The following ANKRD36 variants were observed in gnomAD, a reference collection of about 807,000 sequenced individuals.
The protein encoded by ANKRD36 is ankyrin repeat domain-containing protein 36A.
ANKRD36 carries 179 observed loss-of-function variants against 278.1 expected under a neutral mutation model. The observed-to-expected ratio is 0.64, with a 90% CI of 0.57 to 0.73. The LOEUF is 0.73. Ranked by LOEUF, ANKRD36 falls within the 30% of genes least tolerant of loss-of-function variation. ANKRD36 has a pLI of 0.00. For missense variants in ANKRD36, 1,159 were observed against 1,956.7 expected, an observed-to-expected ratio of 0.59 and a Z score of 7.69; for synonymous variants, 320 against 641.1, an observed-to-expected ratio of 0.50 and a Z score of 7.57.
intron 36 of ANKRD36, among the ~76,000 whole-genome samples, 179 bp downstream of exon 36, chr2:97,191,360 T>C (rs2058474933): frequency 1.3e-5 from 2 of 151,840 alleles, no homozygotes; most frequent in South Asian, 4.2e-4. Context: ...GAACATGATC[T>C]TCGCAGTAAG....
chr2:97,203,850 T>C (rs1329662088), intron 48 of ANKRD36, among the ~76,000 whole-genome samples: 1 of 151,820 alleles, frequency 6.6e-6, no homozygotes, highest in Non-Finnish European at 1.5e-5. Flanking sequence ...TGACAAATCA[T>C]ACCATGTTTG....
At chr2:97,178,567 C>G (rs1291974424) in intron 22 of ANKRD36, among the ~76,000 whole-genome samples, 1 of 151,054 alleles carries the variant, frequency 6.6e-6, no homozygotes, top group Non-Finnish European at 1.5e-5. Flanking sequence ...TCTCAGTAAA[C>G]TATCGCAAAA....
chr2:97,151,858 C>A, intron 12 of ANKRD36, 21 bp from the exon 13 acceptor site: 2 of 1,284,256 alleles, frequency 1.6e-6, no homozygotes, highest in Non-Finnish European at 2.1e-6. Context: ...TATTCTTAAA[C>A]CTATTGTGTT....
Position 97,115,633 on chromosome 2 carries a change from G to A in ANKRD36, c.197+1697G>A, listed in dbSNP as rs1302505421. ...AGGAGAAGGTATTTAAGTTAAAAAA[G>A]GAATGAAATACTATTTTCTATCACA... On this transcript the variant is annotated intron_variant, in intron 1 of 75. Transcript: ENST00000420699. Among the ~76,000 whole-genome samples the A allele has an allele frequency of 3.2e-3, 325 of 100,852 alleles. 2 individuals are homozygous for A. Among genetic ancestry groups the A allele is most frequent in the African/African-American group, 0.012 (318 of 25,588 alleles). 66.2% of individuals were successfully genotyped at this position (100,852 alleles called of 152,430 possible).
chr2:97,260,387 T>C (rs187725537), intron 75 of ANKRD36, among the ~76,000 whole-genome samples: 3,782 of 126,456 alleles, frequency 0.03, 188 homozygotes, highest in African/African-American at 0.11. Context: ...TATACACACA[T>C]ATATACATAC....
At chr2:97,211,868 T>C in intron 58 of ANKRD36, 127 bp downstream of exon 58, 2 of 1,252,266 alleles carry the variant, frequency 1.6e-6, no homozygotes, top group Non-Finnish European at 2.2e-6. Context: ...AGATTATTCA[T>C]TTGTAATAAG....
At chr2:97,225,520 G>A (rs2069172590) in intron 67 of ANKRD36, among the ~76,000 whole-genome samples, 1 of 152,012 alleles carries the variant, frequency 6.6e-6, no homozygotes, top group Non-Finnish European at 1.5e-5. Flanking sequence ...ACTGTCATTA[G>A]TAGACCTTAG....
chr2:97,147,901 A>G (rs1172057495), intron 11 of ANKRD36, among the ~76,000 whole-genome samples: 2 of 151,954 alleles, frequency 1.3e-5, no homozygotes, highest in African/African-American at 2.4e-5. Flanking sequence ...AAGGCATATT[A>G]GAATATGGCG....
intron 52 of ANKRD36, 114 bp downstream of exon 52, chr2:97,206,249 C>A: frequency 8.3e-7 from 1 of 1,197,760 alleles, no homozygotes; most frequent in Non-Finnish European, 1.1e-6. Flanking sequence ...TTCAGCAGGC[C>A]GGAGATTCTT....
chr2:97,200,068 T>C, intron 44 of ANKRD36, among the ~76,000 whole-genome samples: 1 of 152,002 alleles, frequency 6.6e-6, no homozygotes, highest in Non-Finnish European at 1.5e-5. Flanking sequence ...CATATCCACA[T>C]TGAGATTGAC....
At chr2:97,211,018 G>A (rs550233890) in intron 56 of ANKRD36, among the ~76,000 whole-genome samples, 121 of 151,960 alleles carry the variant, frequency 8.0e-4, no homozygotes, top group African/African-American at 2.8e-3. Flanking sequence ...GATATCCAAG[G>A]TGATCAATTT....
Position 97,206,112 on chromosome 2 carries a change from A to T in ANKRD36, c.3140A>T (p.Lys1047Met), listed in dbSNP as rs767596032. 2.0e-4 allele frequency: 305 copies of T among 1,544,636 alleles called. No individual in the cohort carries two copies. Among genetic ancestry groups the T allele is most frequent in the Non-Finnish European group, 2.6e-4 (294 of 1,147,226 alleles). Residue 1047 changes from lysine to methionine, a missense_variant, in exon 52 of 76, where the codon AAG becomes ATG. Transcript: ENST00000420699. ...DSVLSIAREN[K>M]DGEKSRTVSS... ...GTTTTGAGTATAGCCAGAGAAAACA[A>T]GGATGGAGAAAAATCTAGGACAGGT... is the stretch of plus-strand genomic sequence containing the variant.
intron 11 of ANKRD36, among the ~76,000 whole-genome samples, chr2:97,147,048 A>G (rs2044447194): frequency 6.6e-6 from 1 of 151,842 alleles, no homozygotes; most frequent in African/African-American, 2.4e-5. Context: ...CTGTGGCCAC[A>G]AGACCGTAAG....
intron 6 of ANKRD36, among the ~76,000 whole-genome samples, chr2:97,134,066 TC>T (rs1157092939): frequency 6.6e-6 from 1 of 152,118 alleles, no homozygotes; most frequent in Non-Finnish European, 1.5e-5. Context: ...TTTTTATTCC[TC>T]CCTCACAACT....
intron 51 of ANKRD36, 37 bp from the exon 52 acceptor site, chr2:97,206,022 ATACT>A (rs2062756429): frequency 1.3e-6 from 2 of 1,543,766 alleles, no homozygotes; most frequent in Non-Finnish European, 1.7e-6. Context: ...TCTATGAAAC[ATACT>A]TTATTTATTT....
intron 46 of ANKRD36, among the ~76,000 whole-genome samples, chr2:97,201,671 A>G (rs1438870621): frequency 1.1e-4 from 17 of 151,930 alleles, no homozygotes; most frequent in Non-Finnish European, 1.9e-4. Context: ...GAGGTATCCA[A>G]GGTGATCAAT....
intron 22 of ANKRD36, among the ~76,000 whole-genome samples, chr2:97,178,148 G>A (rs1446830138): frequency 6.6e-6 from 1 of 150,946 alleles, no homozygotes; most frequent in Non-Finnish European, 1.5e-5. Flanking sequence ...ACACCAGTTA[G>A]AATGGCCATC....
chr2:97,221,719 G>A (rs1171697281), intron 66 of ANKRD36, among the ~76,000 whole-genome samples: 2 of 150,534 alleles, frequency 1.3e-5, no homozygotes, highest in South Asian at 2.1e-4. Flanking sequence ...TTTCTCCCAT[G>A]TTGTAGGTTG....
rs2034139467 is a variant in ANKRD36 at position 97,113,485 on chromosome 2, C to T, written c.-255C>T. The T allele has an allele frequency of 1.9e-6, 1 of 527,064 alleles. No homozygotes were observed. Among genetic ancestry groups the T allele is most frequent in the Non-Finnish European group, 3.3e-6 (1 of 304,942 alleles). 32.6% of individuals were successfully genotyped at this position (527,064 alleles called of 1,614,324 possible). A position where few individuals can be genotyped will look rare whatever the true frequency, so the allele number is the denominator to read the frequency against. ...TCCCGCGGCACCTCCGCAGCAACCGCCGCCTGCACTGGGCGCGCGAGAGCT... is the reference window on the plus strand; with the variant it reads ...TCCCGCGGCACCTCCGCAGCAACCGTCGCCTGCACTGGGCGCGCGAGAGCT... On this transcript the variant is annotated 5_prime_UTR_variant, in exon 1 of 76. Transcript: ENST00000420699.
Sources: gnomAD v4.1 joint callset for allele counts (sites outside exome capture counted in the v4.1 genomes callset) on GRCh38, gnomAD v4.1.1 for gene constraint, MANE v1.5 for transcripts, NCBI Gene and HGNC (gene_info 2026-07-23, HGNC 2026-07-21) for gene names.